Variants in RABGAP1L observed in about 807,000 individuals in gnomAD.
RABGAP1L encodes the protein rab GTPase-activating protein 1-like.
In RABGAP1L, 63 loss-of-function variants were observed where a neutral mutation model predicts 137.7. The observed-to-expected ratio is 0.46, with a 90% confidence interval of 0.37 to 0.56. The LOEUF is 0.56. Among genes scored for constraint, RABGAP1L ranks in the 20% least tolerant of loss-of-function variants. The probability of loss-of-function intolerance (pLI) is 0.00; values close to 1 mark genes in which losing one functional copy is unlikely to be tolerated. For missense variants in RABGAP1L, 1,095 were observed against 1,244.0 expected (o/e 0.88, Z 1.80); for synonymous variants, 431 against 433.7 (o/e 0.99, Z 0.08).
At chr1:174,233,258 T>C (rs1307081111) in intron 4 of RABGAP1L, among the ~76,000 whole-genome samples, 1 of 127,058 alleles carries the variant, frequency 7.9e-6, no homozygotes, top group African/African-American at 3.8e-5. Context: ...TGCAAGAATA[T>C]GAAGATAATT....
At chr1:174,274,606 CTGTGTGTGTGTGTG>C (rs61468070) in intron 8 of RABGAP1L, among the ~76,000 whole-genome samples, 4 of 146,162 alleles carry the variant, frequency 2.7e-5, no homozygotes, top group Non-Finnish European at 4.5e-5. Flanking sequence ...ACAGGTGACT[CTGTGTGTGTGTGTG>C]TGTGTGTGTG....
At chr1:174,383,023 C>G (rs1285940942) in intron 12 of RABGAP1L, among the ~76,000 whole-genome samples, 1 of 151,142 alleles carries the variant, frequency 6.6e-6, no homozygotes, top group Non-Finnish European at 1.5e-5. Context: ...GGACCCTCAG[C>G]TGCAGGTCTG....
At chr1:174,418,307 T>C (rs1245509345) in intron 13 of RABGAP1L, among the ~76,000 whole-genome samples, 5 of 152,334 alleles carry the variant, frequency 3.3e-5, no homozygotes, top group Admixed American at 2.0e-4. Flanking sequence ...TCCACAGATA[T>C]TGTTTATGGA....
At chr1:174,204,362 A>G (rs151033632) in intron 1 of RABGAP1L, among the ~76,000 whole-genome samples, 166 of 152,204 alleles carry the variant, frequency 1.1e-3, no homozygotes, top group African/African-American at 3.8e-3. Context: ...CTGTAAACAG[A>G]GATAGTTTGA....
chr1:174,776,764 C>A (rs1329733510), intron 18 of RABGAP1L, among the ~76,000 whole-genome samples: 3 of 152,150 alleles, frequency 2.0e-5, no homozygotes, highest in African/African-American at 4.8e-5. Context: ...GAAGGCAATA[C>A]CATTAATTTG....
At position 174,626,084 on chromosome 1, in the gene RABGAP1L, T is replaced by A. The variant is rs546105775; in HGVS notation, c.1711-11291T>A. 1.2e-4 allele frequency among the ~76,000 whole-genome samples: 18 copies of A among 152,370 alleles called. 1 individual carries two copies. In the South Asian group the frequency reaches 3.7e-3, roughly 32 times the overall value. ...TAAAAGGAGTTGCAGGTTTCATTAT[T>A]GCCTGTTGATATTAATTCCAAAAAT... is the stretch of plus-strand genomic sequence containing the variant. On this transcript the variant is annotated intron_variant, in intron 13 of 25. Coordinates refer to ENST00000681986, the MANE Select transcript of RABGAP1L (RefSeq NM_001366446.1).
chr1:174,700,958 G>C, intron 16 of RABGAP1L: 2 of 865,508 alleles, frequency 2.3e-6, no homozygotes, highest in Non-Finnish European at 3.2e-6. Flanking sequence ...ACATTTTTCT[G>C]TTAGCAGTTT....
chr1:174,205,619 G>T (rs149483421), intron 1 of RABGAP1L, among the ~76,000 whole-genome samples: 1 of 151,878 alleles, frequency 6.6e-6, no homozygotes, highest in East Asian at 1.9e-4. Flanking sequence ...TTTCTGTGGG[G>T]TCAGTGGTAA....
At chr1:174,922,770 G>C (rs765759112) in intron 19 of RABGAP1L, among the ~76,000 whole-genome samples, 1 of 152,162 alleles carries the variant, frequency 6.6e-6, no homozygotes, top group Non-Finnish European at 1.5e-5. Flanking sequence ...AAAAGTGTGG[G>C]CTCTGTCTTA....
At position 174,919,260 on chromosome 1, in the gene RABGAP1L, C is replaced by T. The variant is rs368293159; in HGVS notation, c.2341-38197C>T. ...CTCGAACTCCCGACCTCAGGCGATC[C>T]GCCCGCCTTGACCTCCCAAAGTGCT... On this transcript the variant is annotated intron_variant, in intron 19 of 25. Transcript: ENST00000681986. Among the ~76,000 whole-genome samples the T allele has an allele frequency of 4.5e-4, 69 of 152,244 alleles. 1 individual carries two copies. The highest frequency in any genetic ancestry group is 5.8e-4 in the African/African-American group (24 of 41,574).
chr1:174,881,452 T>G (rs1356490886), intron 19 of RABGAP1L, among the ~76,000 whole-genome samples: 2 of 151,726 alleles, frequency 1.3e-5, no homozygotes, highest in African/African-American at 4.8e-5. Flanking sequence ...TCTGGAAAAG[T>G]TATTCTAAAA....
chr1:174,559,062 C>T (rs1384567095), intron 13 of RABGAP1L, among the ~76,000 whole-genome samples: 1 of 152,098 alleles, frequency 6.6e-6, no homozygotes, highest in Non-Finnish European at 1.5e-5. Flanking sequence ...GCATCCTTTC[C>T]AGAAAAGGGG....
intron 13 of RABGAP1L, among the ~76,000 whole-genome samples, chr1:174,452,916 A>T (rs1387268375): frequency 1.3e-5 from 2 of 152,094 alleles, no homozygotes; most frequent in Admixed American, 1.3e-4. Flanking sequence ...ATCACAACTT[A>T]AAGGTCACTA....
At chr1:174,179,344 CT>C (rs1156841497) in intron 1 of RABGAP1L, among the ~76,000 whole-genome samples, 2 of 152,174 alleles carry the variant, frequency 1.3e-5, no homozygotes, top group African/African-American at 4.8e-5. Flanking sequence ...AAAAATGGTA[CT>C]CTGTGAAGAA....
chr1:174,691,278 C>A (rs566419965), intron 15 of RABGAP1L, among the ~76,000 whole-genome samples: 3 of 152,244 alleles, frequency 2.0e-5, no homozygotes, highest in African/African-American at 7.2e-5. Context: ...TTTAAATTAT[C>A]AAAATGTAGT....
intron 20 of RABGAP1L, among the ~76,000 whole-genome samples, chr1:174,965,190 G>A (rs985525389): frequency 1.3e-5 from 2 of 152,178 alleles, no homozygotes; most frequent in African/African-American, 4.8e-5. Flanking sequence ...ATATGTTTCA[G>A]ACAGTGTGAT....
chr1:174,943,051 C>T (rs753818278), intron 19 of RABGAP1L, among the ~76,000 whole-genome samples: 4 of 152,150 alleles, frequency 2.6e-5, no homozygotes, highest in Admixed American at 6.5e-5. Flanking sequence ...TGAGGTTGGT[C>T]CCTGGAGGCC....
intron 1 of RABGAP1L, among the ~76,000 whole-genome samples, chr1:174,205,004 T>C (rs1048019142): frequency 6.6e-6 from 1 of 152,230 alleles, no homozygotes; most frequent in Non-Finnish European, 1.5e-5. Context: ...GGTAGTTCTT[T>C]ATAGCAATGT....
chr1:174,869,554 T>A (rs1376127325), intron 19 of RABGAP1L, among the ~76,000 whole-genome samples: 1 of 152,210 alleles, frequency 6.6e-6, no homozygotes, highest in African/African-American at 2.4e-5. Flanking sequence ...CTTTATGAAT[T>A]ACCCAGTCTT....
Sources: allele counts gnomAD v4.1 joint callset (sites outside exome capture counted in the v4.1 genomes callset), GRCh38; gene constraint gnomAD v4.1.1; transcripts MANE v1.5; gene names NCBI Gene and HGNC (gene_info 2026-07-23, HGNC 2026-07-21).